The following ADAM12 variants were observed in gnomAD, a reference collection of about 807,000 sequenced individuals.
The protein encoded by ADAM12 is ADAM metallopeptidase domain 12.
In ADAM12, 70 loss-of-function variants were observed where a neutral mutation model predicts 106.4. The ratio of observed to expected loss-of-function variants is 0.66; its 90% CI spans 0.54 to 0.80. The LOEUF is 0.80. Ranked by LOEUF, ADAM12 falls within the 30% of genes least tolerant of loss-of-function variation. The pLI is 0.00. For missense variants in ADAM12, 1,010 were observed against 1,171.9 expected (o/e 0.86, Z 2.02); for synonymous variants, 420 against 433.5 (o/e 0.97, Z 0.39).
intron 19 of ADAM12, among the ~76,000 whole-genome samples, chr10:126,038,750 C>T (rs544311801): frequency 6.6e-6 from 1 of 152,134 alleles, no homozygotes; most frequent in East Asian, 1.9e-4. Flanking sequence ...AGTGGAATTT[C>T]CTGACACCCT....
At chr10:126,085,515 A>G (rs561115704) in intron 11 of ADAM12, among the ~76,000 whole-genome samples, 8 of 147,090 alleles carry the variant, frequency 5.4e-5, no homozygotes, top group African/African-American at 2.1e-4. Flanking sequence ...TGTACCATCT[A>G]TCTATCCATT....
rs980278058 is a variant in ADAM12, at chr10:126,023,258, C to T, written c.2530-3433G>A. On this transcript the variant is annotated intron_variant, in intron 21 of 22. Coordinates refer to ENST00000448723, the MANE Select transcript of ADAM12 (RefSeq NM_001288973.2). ...ATGTCGTAAACCCTAATGTAGGTATCATGGAACTCGCCAAAGTTGACAGGC... is the reference window on the plus strand; with the variant it reads ...ATGTCGTAAACCCTAATGTAGGTATTATGGAACTCGCCAAAGTTGACAGGC... Among the ~76,000 whole-genome samples, 10 of 152,256 alleles carry T rather than the reference C, an allele frequency of 6.6e-5. No homozygotes were observed. In the South Asian group the frequency reaches 8.3e-4, roughly 13 times the overall value.
At chr10:126,378,955 T>C (rs1856394814) in intron 1 of ADAM12, among the ~76,000 whole-genome samples, 1 of 152,216 alleles carries the variant, frequency 6.6e-6, no homozygotes, top group Non-Finnish European at 1.5e-5. Context: ...TACCTTTCCA[T>C]AGGCGGACAA....
chr10:126,037,763 C>T (rs1954085466), intron 20 of ADAM12, among the ~76,000 whole-genome samples: 1 of 152,160 alleles, frequency 6.6e-6, no homozygotes. Flanking sequence ...TTCCTCAGCT[C>T]AGGGCTGGAG....
chr10:126,039,309 G>A lies in ADAM12; in HGVS notation c.2225C>T (p.Thr742Ile). 1 of 1,613,952 alleles carries A rather than the reference G, an allele frequency of 6.2e-7. No homozygotes were observed. Among genetic ancestry groups the A allele is most frequent in the Non-Finnish European group, 8.5e-7 (1 of 1,179,934 alleles). Residue 742 changes from threonine to isoleucine, a missense_variant, in exon 19 of 23, where the codon ACC (threonine) becomes ATC (isoleucine). Thr to Ile is a moderately conservative substitution (Grantham distance 89). Around this residue, in one of 3 missense-constraint regions of ADAM12, gnomAD observed 615 missense variants for 708.5 expected, o/e 0.87. Transcript: ENST00000448723. The stretch of plus-strand genomic sequence containing the variant: ...CCCAGGGTACCTTAGTTTTTCAATG[G>A]TGGTCTTCTTATTTGTAAACAGCAG... ...IRLLFTNKKTTIEKLRCVRPS... is the reference protein window; with the variant it reads ...IRLLFTNKKTIIEKLRCVRPS...
At chr10:126,181,788 CCAGCTGTTGA>C (rs769874327) in intron 3 of ADAM12, among the ~76,000 whole-genome samples, 4 of 152,216 alleles carry the variant, frequency 2.6e-5, no homozygotes, top group Non-Finnish European at 5.9e-5. Flanking sequence ...TGCAAGCAAG[CCAGCTGTTGA>C]CAGTCAGAAG....
intron 14 of ADAM12, among the ~76,000 whole-genome samples, chr10:126,063,269 C>A (rs2133475419): frequency 6.6e-6 from 1 of 152,328 alleles, no homozygotes; most frequent in Non-Finnish European, 1.5e-5. Context: ...CTCCTTGCTA[C>A]CAAGCTGCCC....
chr10:126,171,659 T>C (rs1001231547), intron 3 of ADAM12, among the ~76,000 whole-genome samples: 1 of 152,198 alleles, frequency 6.6e-6, no homozygotes, highest in African/African-American at 2.4e-5. Context: ...TCCCAAAACA[T>C]GACTTCACTT....
intron 3 of ADAM12, among the ~76,000 whole-genome samples, chr10:126,263,174 G>A (rs1398581035): frequency 6.6e-6 from 1 of 152,164 alleles, no homozygotes; most frequent in Non-Finnish European, 1.5e-5. Context: ...AGTGTTGTAA[G>A]CATGATTTCT....
chr10:126,040,108 T>A (rs1035010567), intron 18 of ADAM12, among the ~76,000 whole-genome samples: 3 of 152,156 alleles, frequency 2.0e-5, no homozygotes, highest in African/African-American at 7.2e-5. Flanking sequence ...TTTTGTTTAA[T>A]ACAGTTAAGA....
intron 3 of ADAM12, among the ~76,000 whole-genome samples, chr10:126,276,085 G>A (rs957200941): frequency 2.6e-5 from 4 of 152,012 alleles, no homozygotes; most frequent in Admixed American, 1.3e-4. Flanking sequence ...TTGTTGTATG[G>A]TATCCTGTTT....
chr10:126,216,644 T>G (rs1359905798), intron 3 of ADAM12, among the ~76,000 whole-genome samples: 1 of 152,252 alleles, frequency 6.6e-6, no homozygotes, highest in Non-Finnish European at 1.5e-5. Flanking sequence ...CTTCAAATGT[T>G]CCTTCCGACG....
Position 126,388,055 on chromosome 10 carries a change from T to G in ADAM12, c.88+3A>C. The G allele has an allele frequency of 2.5e-6, 3 of 1,219,986 alleles. No homozygotes were observed. Among genetic ancestry groups the G allele is most frequent in the Non-Finnish European group, 3.1e-6 (3 of 979,322 alleles). The allele number at this position is 1,219,986 out of a possible 1,614,324, so 75.6% of individuals were successfully genotyped here. On this transcript the variant is annotated splice_donor_region_variant and intron_variant, in intron 1 of 22. Coordinates refer to ENST00000448723, the MANE Select transcript of ADAM12 (RefSeq NM_001288973.2). This position sits in a 1 kb window ranked among gnomAD's most constrained non-coding sequence, Gnocchi z 4.4. ...AGCGAGCCGCCCTAGTTCGGCGACTTACCTCGGGCCTCGCAGGGCGCGAGC... is the reference window on the plus strand; with the variant it reads ...AGCGAGCCGCCCTAGTTCGGCGACTGACCTCGGGCCTCGCAGGGCGCGAGC...
chr10:126,114,232 C>T (rs1245009788), intron 6 of ADAM12, among the ~76,000 whole-genome samples: 1 of 152,294 alleles, frequency 6.6e-6, no homozygotes, highest in Non-Finnish European at 1.5e-5. Context: ...ATGAGACATT[C>T]TGCCAGGAGA....
At chr10:126,312,393 G>C (rs1961148601) in intron 2 of ADAM12, among the ~76,000 whole-genome samples, 1 of 152,208 alleles carries the variant, frequency 6.6e-6, no homozygotes, top group South Asian at 2.1e-4. Context: ...GTCCTGAAGT[G>C]AGAACCTGGC....
intron 1 of ADAM12, among the ~76,000 whole-genome samples, chr10:126,381,716 G>A (rs1212827849): frequency 6.6e-6 from 1 of 151,850 alleles, no homozygotes; most frequent in Non-Finnish European, 1.5e-5. Context: ...TGACCAGGCT[G>A]GACTCAAACT....
chr10:126,019,915 G>A (rs1953731663), intron 21 of ADAM12, 90 bp from the exon 22 acceptor site: 2 of 1,419,942 alleles, frequency 1.4e-6, no homozygotes, highest in East Asian at 2.5e-5. Flanking sequence ...CACAGGCCCT[G>A]CTTCCTGAAT....
In ADAM12 at chr10:126,118,225, C is replaced by A; in HGVS notation, c.417-1G>T. ...TTCATTTTCAAACACAATAAGTCCC[C>A]TGTTGAAAAAGAAACAAGAAAAAAT... On this transcript the variant is annotated splice_acceptor_variant, in intron 5 of 22. Transcript: ENST00000448723. LOFTEE classifies it high-confidence loss of function. The A allele has an allele frequency of 6.2e-7, 1 of 1,607,704 alleles. No individual in the cohort carries two copies.
chr10:126,232,841 G>T (rs1303744364), intron 3 of ADAM12, among the ~76,000 whole-genome samples: 2 of 152,190 alleles, frequency 1.3e-5, no homozygotes, highest in African/African-American at 4.8e-5. Flanking sequence ...TAGGGAGGAA[G>T]ATAAGGAATA....
Sources: gnomAD v4.1 joint callset for allele counts (sites outside exome capture counted in the v4.1 genomes callset) on GRCh38, gnomAD v4.1.1 for gene constraint, gnomAD v4.1.1 regional missense constraint, Gnocchi (gnomAD v3.1) non-coding constraint, MANE v1.5 for transcripts, NCBI Gene and HGNC (gene_info 2026-07-23, HGNC 2026-07-21) for gene names.